PSD3: variants seen among roughly 807,000 people sequenced by gnomAD.
The protein encoded by PSD3 is PH and SEC7 domain-containing protein 3.
PSD3 carries 49 observed loss-of-function variants against 105.5 expected under a neutral mutation model. The ratio of observed to expected loss-of-function variants is 0.46; its 90% CI spans 0.37 to 0.59. The LOEUF is 0.59. PSD3 is among the 20% of genes least tolerant of loss of function. The pLI, the probability that PSD3 is intolerant of heterozygous loss-of-function variation, is 0.00. For synonymous variants in PSD3, 557 were observed against 457.8 expected, an observed-to-expected ratio of 1.22 and a Z score of -2.77; for missense variants, 1,561 against 1,263.8, an observed-to-expected ratio of 1.24 and a Z score of -3.57.
intron 2 of PSD3, among the ~76,000 whole-genome samples, chr8:18,882,772 C>T (rs1263119683): frequency 6.6e-6 from 1 of 151,612 alleles, no homozygotes; most frequent in Non-Finnish European, 1.5e-5. Flanking sequence ...CCATATATAG[C>T]TAATACCTAC....
intron 1 of PSD3, among the ~76,000 whole-genome samples, chr8:19,077,061 A>G (rs1829482921): frequency 6.6e-6 from 1 of 152,046 alleles, no homozygotes; most frequent in Non-Finnish European, 1.5e-5. Flanking sequence ...TGCTGTTGTT[A>G]TAGGATATTG....
At chr8:18,715,267 T>C (rs139308489) in intron 9 of PSD3, among the ~76,000 whole-genome samples, 1 of 152,284 alleles carries the variant, frequency 6.6e-6, no homozygotes, top group Non-Finnish European at 1.5e-5. Flanking sequence ...CCTGCACATG[T>C]AAAATTAAAA....
At chr8:18,719,360 G>T (rs192290925) in intron 9 of PSD3, among the ~76,000 whole-genome samples, 1 of 152,054 alleles carries the variant, frequency 6.6e-6, no homozygotes, top group Admixed American at 6.6e-5. Context: ...CCAGACTTTT[G>T]CTTTATTCCA....
chr8:18,776,230 A>G (rs1808058689), intron 8 of PSD3, among the ~76,000 whole-genome samples: 1 of 149,018 alleles, frequency 6.7e-6, no homozygotes, highest in South Asian at 2.1e-4. Flanking sequence ...GTACCATACT[A>G]TATTGGTTAC....
In PSD3 at chr8:18,869,791, A is replaced by G. The variant is rs146487295; in HGVS notation, c.1239-1722T>C. 5.9e-5 allele frequency among the ~76,000 whole-genome samples: 9 copies of G among 152,222 alleles called. No homozygotes were observed. The South Asian group carries it at 1.2e-3, about 21-fold the overall frequency. ...AGGTCTCTGTTCTTTCCTTCACAGA[A>G]CCTAGCACACTTTGTGATCCTATAC... On this transcript the variant is annotated intron_variant, in intron 3 of 15. Transcript: ENST00000327040.
intron 15 of PSD3, among the ~76,000 whole-genome samples, chr8:18,543,369 C>T (rs535591268): frequency 2.0e-5 from 3 of 152,086 alleles, no homozygotes; most frequent in Non-Finnish European, 4.4e-5. Context: ...AATCCCAGCA[C>T]TTTGGGAGGC....
intron 11 of PSD3, among the ~76,000 whole-genome samples, chr8:18,619,374 C>T (rs1289838138): frequency 6.6e-6 from 1 of 152,116 alleles, no homozygotes; most frequent in Non-Finnish European, 1.5e-5. Flanking sequence ...CTGGGGTATG[C>T]TGGCTCATGC....
Position 18,535,510 on chromosome 8 carries a change from C to T in PSD3, c.*233G>A, listed in dbSNP as rs1156597755. On this transcript the variant is annotated 3_prime_UTR_variant, in exon 16 of 16. Transcript: ENST00000327040. Reference sequence around the variant, plus strand: ...TTCATTCTGAAATCACGATCCCCTCCTCCTCACAGAAAAGGTGCATTAGCT... The same window carrying T: ...TTCATTCTGAAATCACGATCCCCTCTTCCTCACAGAAAAGGTGCATTAGCT... 1.9e-6 allele frequency: 1 copy of T among 529,100 alleles called. No homozygotes were observed. The highest frequency in any genetic ancestry group is 3.4e-6 in the Non-Finnish European group (1 of 296,956). The allele number at this position is 529,100 out of a possible 1,614,324, so 32.8% of individuals were successfully genotyped here.
intron 8 of PSD3, among the ~76,000 whole-genome samples, chr8:18,784,319 T>A (rs550579688): frequency 7.9e-5 from 12 of 152,102 alleles, no homozygotes; most frequent in African/African-American, 2.9e-4. Context: ...CGGCTTATTA[T>A]GTGTTCAGAA....
chr8:18,537,696 A>C (rs1205235901), intron 15 of PSD3, among the ~76,000 whole-genome samples: 1 of 146,146 alleles, frequency 6.8e-6, no homozygotes, highest in Non-Finnish European at 1.5e-5. Context: ...TTTTTTTTTG[A>C]GACAGAGTCT....
rs1045607424 is a variant in PSD3, at chr8:19,010,943, A to G, written c.21+2620T>C. Among the ~76,000 whole-genome samples the G allele has an allele frequency of 2.0e-5, 3 of 151,644 alleles. No homozygotes were observed. In the East Asian group the frequency reaches 5.8e-4, roughly 29 times the overall value. ...GAACCCCTAAATGGTGAGAATCACA[A>G]CAGCAGTAATTCAAGGTCACACTAG... is the stretch of plus-strand genomic sequence containing the variant. On this transcript the variant is annotated intron_variant, in intron 1 of 15. Transcript: ENST00000327040.
chr8:18,987,781 C>T (rs1825584753), intron 1 of PSD3, among the ~76,000 whole-genome samples: 1 of 152,048 alleles, frequency 6.6e-6, no homozygotes, highest in Non-Finnish European at 1.5e-5. Context: ...TCACTGCACT[C>T]CGGCCTAGGC....
At chr8:18,992,481 C>T (rs933474586) in intron 1 of PSD3, among the ~76,000 whole-genome samples, 1 of 152,046 alleles carries the variant, frequency 6.6e-6, no homozygotes, top group African/African-American at 2.4e-5. Flanking sequence ...CTTTCTTATC[C>T]TTTCAATAAA....
chr8:18,729,282 G>A (rs1803557847), intron 9 of PSD3, among the ~76,000 whole-genome samples: 2 of 152,158 alleles, frequency 1.3e-5, no homozygotes, highest in African/African-American at 4.8e-5. Context: ...AAAAGCTTAA[G>A]CAATGAGCTA....
At chr8:19,036,889 T>C (rs1827959937) in intron 1 of PSD3, among the ~76,000 whole-genome samples, 1 of 152,198 alleles carries the variant, frequency 6.6e-6, no homozygotes, top group African/African-American at 2.4e-5. Flanking sequence ...TGAAGAAGGA[T>C]GAATTTGACT....
intron 11 of PSD3, among the ~76,000 whole-genome samples, chr8:18,603,092 G>C (rs751463418): frequency 1.3e-5 from 2 of 152,106 alleles, no homozygotes; most frequent in Non-Finnish European, 2.9e-5. Flanking sequence ...TAATATCCAG[G>C]TATCTTCCGT....
intron 1 of PSD3, among the ~76,000 whole-genome samples, chr8:19,011,309 A>G (rs1240790753): frequency 6.6e-6 from 1 of 152,202 alleles, no homozygotes; most frequent in Non-Finnish European, 1.5e-5. Flanking sequence ...TGAATAATGC[A>G]TGACAAATCA....
rs139737385 is a variant in PSD3 at position 18,918,243 on chromosome 8, T to C, written c.130+17791A>G. 6.6e-5 allele frequency among the ~76,000 whole-genome samples: 10 copies of C among 152,310 alleles called. No homozygotes were observed. In the East Asian group the frequency reaches 1.9e-3, roughly 29 times the overall value. The stretch of plus-strand genomic sequence containing the variant: ...GTCTGCACAACACCACAGCTTTATA[T>C]GTGCTTCTGCCACTGTCAAAACATC... On this transcript the variant is annotated intron_variant, in intron 2 of 15. Coordinates refer to ENST00000327040, the MANE Select transcript of PSD3 (RefSeq NM_015310.4).
intron 11 of PSD3, among the ~76,000 whole-genome samples, chr8:18,612,037 T>G (rs1487762): frequency 0.23 from 34,603 of 152,072 alleles, 4,236 homozygotes; most frequent in Middle Eastern, 0.38. Flanking sequence ...TTTTAAATTG[T>G]GAAGTAAATG....
Sources: gnomAD v4.1 joint callset for allele counts (sites outside exome capture counted in the v4.1 genomes callset) on GRCh38, gnomAD v4.1.1 for gene constraint, MANE v1.5 for transcripts, NCBI Gene and HGNC (gene_info 2026-07-23, HGNC 2026-07-21) for gene names.